The following FAR1 variants were observed in gnomAD, a reference collection of about 807,000 sequenced individuals.
FAR1 encodes the protein male sterility domain-containing protein 2.
In FAR1, 22 loss-of-function variants were observed where a neutral mutation model predicts 61.1. That is an observed-to-expected ratio of 0.36 (90% CI 0.26 to 0.51). The LOEUF is 0.51. Ranked by LOEUF, FAR1 falls within the 20% of genes least tolerant of loss-of-function variation. The pLI is 0.95. For synonymous variants in FAR1, 206 were observed against 209.7 expected, an observed-to-expected ratio of 0.98 and a Z score of 0.15; for missense variants, 359 against 626.9, an observed-to-expected ratio of 0.57 and a Z score of 4.56.
chr11:13,728,618 G>T lies in FAR1; in HGVS notation c.1392G>T (p.Arg464=). 3.1e-6 allele frequency: 5 copies of T among 1,610,756 alleles called. No individual in the cohort carries two copies. Among genetic ancestry groups the T allele is most frequent in the Non-Finnish European group, 4.2e-6 (5 of 1,177,762 alleles). ...CTCTTGATTTGCTTTCCAGGTTGCG[G>T]AATATACGTTATGGTTTTAATACTA... ...PAARKHLNKL[R]NIRYGFNTIL... Residue 464 remains arginine, a synonymous_variant, in exon 12 of 12, where the codon CGG becomes CGT. Transcript: ENST00000354817.
intron 4 of FAR1, among the ~76,000 whole-genome samples, chr11:13,708,787 G>T (rs904307442): frequency 6.6e-6 from 1 of 152,020 alleles, no homozygotes; most frequent in African/African-American, 2.4e-5. Context: ...ATATAGAGGG[G>T]CCTTTAATTA....
chr11:13,686,070 T>C (rs975921113), intron 1 of FAR1, among the ~76,000 whole-genome samples: 2 of 152,240 alleles, frequency 1.3e-5, no homozygotes, highest in African/African-American at 4.8e-5. Context: ...GTAGAAACTT[T>C]ATGTGCCTTC....
At chr11:13,728,576 A>T (rs772709631) in intron 11 of FAR1, 36 bp from the exon 12 acceptor site, 6 of 1,572,376 alleles carry the variant, frequency 3.8e-6, no homozygotes, top group Admixed American at 3.5e-5. Context: ...TTTTCTAGAA[A>T]ATACTGTCTA....
At chr11:13,683,612 C>T (rs1284102964) in intron 1 of FAR1, among the ~76,000 whole-genome samples, 2 of 152,002 alleles carry the variant, frequency 1.3e-5, no homozygotes, top group African/African-American at 2.4e-5. Flanking sequence ...AACTCCTGGC[C>T]TCAAGTGATC....
At chr11:13,725,812 T>C (rs1217956793) in intron 10 of FAR1, among the ~76,000 whole-genome samples, 2 of 152,148 alleles carry the variant, frequency 1.3e-5, no homozygotes, top group Non-Finnish European at 2.9e-5. Context: ...AGTCTGACAA[T>C]TTTTGACCTT....
chr11:13,670,022 A>T (rs1257786897), intron 1 of FAR1: 2 of 152,218 alleles, frequency 1.3e-5, no homozygotes, highest in Non-Finnish European at 2.9e-5. Context: ...ACAGTAATAC[A>T]AGTGAGAATT....
intron 11 of FAR1, 92 bp downstream of exon 11, chr11:13,727,775 T>G (rs1024280348): frequency 1.7e-6 from 2 of 1,181,674 alleles, no homozygotes; most frequent in African/African-American, 3.2e-5. Context: ...GCTATATCTG[T>G]CATTCAAAGA....
chr11:13,702,386 T>C (rs1848386587), intron 3 of FAR1, among the ~76,000 whole-genome samples: 1 of 152,142 alleles, frequency 6.6e-6, no homozygotes, highest in Admixed American at 6.5e-5. Flanking sequence ...TTAAAAATTA[T>C]TTTTAAAAGT....
At chr11:13,686,125 C>G (rs1432811644) in intron 1 of FAR1, among the ~76,000 whole-genome samples, 1 of 152,172 alleles carries the variant, frequency 6.6e-6, no homozygotes, top group Non-Finnish European at 1.5e-5. Flanking sequence ...CAATTTCACC[C>G]TACCCGTATA....
intron 6 of FAR1, 23 bp downstream of exon 6, chr11:13,711,831 T>A (rs1210071862): frequency 5.0e-6 from 8 of 1,584,590 alleles, no homozygotes; most frequent in Non-Finnish European, 6.9e-6. Context: ...TTTGATTTAT[T>A]TAATATTCTA....
chr11:13,685,440 G>A (rs981470229), intron 1 of FAR1: 2 of 211,552 alleles, frequency 9.5e-6, no homozygotes, highest in Non-Finnish European at 2.0e-5. Flanking sequence ...GCTTGATATG[G>A]TAACATGGTT....
intron 1 of FAR1, among the ~76,000 whole-genome samples, chr11:13,690,717 T>C (rs1848240245): frequency 6.6e-6 from 1 of 152,208 alleles, no homozygotes; most frequent in Admixed American, 6.5e-5. Context: ...TCTTGGCCCT[T>C]TGTATTTCCA....
At chr11:13,696,744 A>G (rs1247168304) in intron 2 of FAR1, among the ~76,000 whole-genome samples, 2 of 150,708 alleles carry the variant, frequency 1.3e-5, no homozygotes, top group Non-Finnish European at 2.9e-5. Flanking sequence ...ATTCTCCATT[A>G]TGTATAGCAT....
In FAR1 at chr11:13,727,607, T is replaced by C; in HGVS notation, c.1309T>C (p.Tyr437His). ...QLHWAEYIEN[Y>H]CLGTKKYVLN... ...ACATTGGGCAGAATATATAGAGAACTACTGCTTGGGAACTAAGAAGTACGT... is the reference window on the plus strand; with the variant it reads ...ACATTGGGCAGAATATATAGAGAACCACTGCTTGGGAACTAAGAAGTACGT... Residue 437 changes from tyrosine to histidine, a missense_variant, in exon 11 of 12, where the codon TAC (tyrosine) becomes CAC (histidine). This residue lies in a region of FAR1 where 344 missense variants were observed against 570.3 expected (regional missense o/e 0.60). Coordinates refer to ENST00000354817, the MANE Select transcript of FAR1 (RefSeq NM_032228.6). 6.2e-7 allele frequency: 1 copy of C among 1,609,616 alleles called. No homozygotes were observed. The highest frequency in any genetic ancestry group is 2.2e-5 in the East Asian group (1 of 44,740).
chr11:13,693,896 G>A (rs1848281904), intron 1 of FAR1, among the ~76,000 whole-genome samples: 1 of 152,010 alleles, frequency 6.6e-6, no homozygotes. Flanking sequence ...TAAATCACAT[G>A]TATCTACTCC....
At chr11:13,722,858 C>CTATA (rs71041542) in intron 10 of FAR1, among the ~76,000 whole-genome samples, 30 of 147,868 alleles carry the variant, frequency 2.0e-4, no homozygotes, top group Admixed American at 1.2e-3. Flanking sequence ...CTCTCTCTCT[C>CTATA]TATATATATA....
intron 4 of FAR1, 45 bp from the exon 5 acceptor site, chr11:13,710,648 T>C (rs1463084368): frequency 6.8e-7 from 1 of 1,474,702 alleles, no homozygotes; most frequent in Non-Finnish European, 9.1e-7. Context: ...TTTTATTTTA[T>C]AGTAAAATAT....
At chr11:13,708,218 GC>G (rs375173977) in intron 4 of FAR1, 139 bp downstream of exon 4, 141 of 503,874 alleles carry the variant, frequency 2.8e-4, no homozygotes, top group African/African-American at 2.6e-3. Context: ...AAAAAAATTA[GC>G]CAGGCATGGT....
At chr11:13,703,279 G>A (rs1446357017) in intron 3 of FAR1, among the ~76,000 whole-genome samples, 1 of 152,184 alleles carries the variant, frequency 6.6e-6, no homozygotes, top group East Asian at 1.9e-4. Flanking sequence ...GACCTCCTGG[G>A]TTCAAGTGAT....
Sources: gnomAD v4.1 joint callset for allele counts (sites outside exome capture counted in the v4.1 genomes callset) on GRCh38, gnomAD v4.1.1 for gene constraint, gnomAD v4.1.1 regional missense constraint, MANE v1.5 for transcripts, NCBI Gene and HGNC (gene_info 2026-07-23, HGNC 2026-07-21) for gene names.